Variants in DSTYK observed in about 807,000 individuals in gnomAD.
DSTYK encodes dual serine/threonine and tyrosine protein kinase, also known as RIP-homologous kinase.
In DSTYK, 34 loss-of-function variants were observed where a neutral mutation model predicts 98.7. The observed-to-expected ratio is 0.34, with a 90% CI of 0.26 to 0.46. The LOEUF (loss-of-function observed/expected upper bound fraction) is 0.46, where lower values mean the gene tolerates loss of function less well. Ranked by LOEUF, DSTYK falls within the 20% of genes least tolerant of loss-of-function variation. The pLI, the probability that DSTYK is intolerant of heterozygous loss-of-function variation, is 1.00. For missense variants in DSTYK, 962 were observed against 1,181.7 expected (o/e 0.81, Z 2.73); for synonymous variants, 462 against 457.3 (o/e 1.01, Z -0.13).
chr1:205,200,869 T>C (rs1279142594), intron 1 of DSTYK, among the ~76,000 whole-genome samples: 1 of 152,178 alleles, frequency 6.6e-6, no homozygotes, highest in Non-Finnish European at 1.5e-5. Context: ...CACCTACTAC[T>C]TGATAGCACA....
At chr1:205,162,671 T>C (rs1657768357) in intron 5 of DSTYK, among the ~76,000 whole-genome samples, 1 of 152,210 alleles carries the variant, frequency 6.6e-6, no homozygotes, top group Admixed American at 6.6e-5. Context: ...TTTTTTCTAT[T>C]TTTCCATTGT....
chr1:205,196,758 A>ATT (rs113524415), intron 1 of DSTYK, among the ~76,000 whole-genome samples: 25,372 of 109,526 alleles, frequency 0.23, 3,502 homozygotes, highest in East Asian at 0.32. Context: ...AAAATGGTGA[A>ATT]TTTTTTTTTT....
chr1:205,155,094 C>G lies in DSTYK; in HGVS notation c.2352+2179G>C, dbSNP rs537839579. ...CTGCCTCCCAGGTTCAAGCAATTCT[C>G]CTGCCTCAGCCTCCCAAGTAGCTGG... On this transcript the variant is annotated intron_variant, in intron 10 of 12. Transcript: ENST00000367162. Among the ~76,000 whole-genome samples the G allele has an allele frequency of 2.8e-4, 43 of 152,192 alleles. No homozygotes were observed. The East Asian group carries it at 8.4e-3, about 30-fold the overall frequency.
chr1:205,145,578 G>T lies in DSTYK; in HGVS notation c.*1980C>A, dbSNP rs1657206110. 1 of 148,120 alleles carries T rather than the reference G, an allele frequency of 6.8e-6. No homozygotes were observed. 9.2% of individuals were successfully genotyped at this position (148,120 alleles called of 1,614,324 possible). On this transcript the variant is annotated 3_prime_UTR_variant, in exon 13 of 13. Transcript: ENST00000367162. Reference sequence around the variant, plus strand: ...GAGTCTCGCTCTGTTGCCCAGGCTGGAGTGCAGTGGCGTGATCTCGGCTCA... The same window carrying T: ...GAGTCTCGCTCTGTTGCCCAGGCTGTAGTGCAGTGGCGTGATCTCGGCTCA...
intron 11 of DSTYK, among the ~76,000 whole-genome samples, chr1:205,149,205 GT>G (rs74891716): frequency 3.1e-4 from 46 of 146,658 alleles, no homozygotes; most frequent in South Asian, 8.8e-4. Flanking sequence ...CTGGCCGAAA[GT>G]TTTTTTTTTT....
chr1:205,202,624 A>G lies in DSTYK; in HGVS notation c.265+8647T>C, dbSNP rs575074683. 35 of 1,180,850 alleles carry G rather than the reference A, an allele frequency of 3.0e-5. No individual in the cohort carries two copies. In the African/African-American group the frequency reaches 4.8e-4, roughly 16 times the overall value. 73.1% of individuals were successfully genotyped at this position (1,180,850 alleles called of 1,614,324 possible). A position where few individuals can be genotyped will look rare whatever the true frequency, so the allele number is the denominator to read the frequency against. On this transcript the variant is annotated intron_variant, in intron 1 of 12. Coordinates refer to ENST00000367162, the MANE Select transcript of DSTYK (RefSeq NM_015375.3). ...CCCATACGTGAGCTCTCTCTGCCACATTGAGATGATCCTTACTGAAAAGGA... is the reference window on the plus strand; with the variant it reads ...CCCATACGTGAGCTCTCTCTGCCACGTTGAGATGATCCTTACTGAAAAGGA...
chr1:205,209,390 C>G (rs1029337951), intron 1 of DSTYK, among the ~76,000 whole-genome samples: 1 of 152,194 alleles, frequency 6.6e-6, no homozygotes, highest in African/African-American at 2.4e-5. Flanking sequence ...CCCTTCCCAT[C>G]AGCTGTTTTC....
intron 1 of DSTYK, among the ~76,000 whole-genome samples, chr1:205,196,758 A>ATTTT (rs113524415): frequency 8.0e-4 from 88 of 109,840 alleles, no homozygotes; most frequent in East Asian, 1.2e-3. Context: ...AAAATGGTGA[A>ATTTT]TTTTTTTTTT....
At chr1:205,192,424 T>C (rs1251064064) in intron 1 of DSTYK, among the ~76,000 whole-genome samples, 1 of 152,110 alleles carries the variant, frequency 6.6e-6, no homozygotes, top group African/African-American at 2.4e-5. Flanking sequence ...GATGTACTAC[T>C]CAGGAGGCTG....
At chr1:205,203,103 C>T (rs886110477) in intron 1 of DSTYK, among the ~76,000 whole-genome samples, 4 of 152,142 alleles carry the variant, frequency 2.6e-5, no homozygotes, top group African/African-American at 4.8e-5. Context: ...GGCTGAAGAA[C>T]TAACCATACT....
intron 6 of DSTYK, 107 bp downstream of exon 6, chr1:205,161,929 C>CAT: frequency 3.1e-6 from 1 of 320,388 alleles, no homozygotes; most frequent in Non-Finnish European, 4.5e-6. Context: ...TATACACACA[C>CAT]AGACACACAC....
intron 1 of DSTYK, chr1:205,202,582 G>A (rs1659075258): frequency 9.8e-7 from 1 of 1,019,308 alleles, no homozygotes; most frequent in Admixed American, 1.7e-5. Flanking sequence ...GACCTGCAGA[G>A]CTCATGGTCG....
At chr1:205,202,909 T>C (rs1184559082) in intron 1 of DSTYK, among the ~76,000 whole-genome samples, 2 of 152,204 alleles carry the variant, frequency 1.3e-5, no homozygotes, top group African/African-American at 2.4e-5. Context: ...TTAGGTTTTA[T>C]TCTGAAAGGA....
chr1:205,186,614 T>C lies in DSTYK; in HGVS notation c.654+804A>G, dbSNP rs914714210. On this transcript the variant is annotated intron_variant, in intron 2 of 12. Coordinates refer to ENST00000367162, the MANE Select transcript of DSTYK (RefSeq NM_015375.3). ...AAAACTCTGAGTATGGCTGAATTAT[T>C]TTATCCCTACCCACTCCTGACCCTG... 1.2e-3 allele frequency among the ~76,000 whole-genome samples: 182 copies of C among 152,294 alleles called. 1 individual carries two copies. The highest frequency in any genetic ancestry group is 4.3e-3 in the African/African-American group (180 of 41,554).
chr1:205,193,884 A>AG (rs1312815219), intron 1 of DSTYK, among the ~76,000 whole-genome samples: 18 of 152,052 alleles, frequency 1.2e-4, no homozygotes, highest in African/African-American at 4.1e-4. Context: ...AAAAAAAAAA[A>AG]AAAGGAACTA....
chr1:205,175,532 T>C (rs537645884), intron 2 of DSTYK, among the ~76,000 whole-genome samples: 3 of 152,254 alleles, frequency 2.0e-5, no homozygotes, highest in Admixed American at 6.5e-5. Context: ...TGTCAGAAGA[T>C]AGGCAAAGAG....
intron 3 of DSTYK, among the ~76,000 whole-genome samples, chr1:205,168,660 G>C (rs1233501773): frequency 6.6e-6 from 1 of 152,160 alleles, no homozygotes; most frequent in Non-Finnish European, 1.5e-5. Context: ...ACCCAATTTT[G>C]TTAGTAGCCA....
chr1:205,152,396 C>T (rs912590388), intron 10 of DSTYK, among the ~76,000 whole-genome samples: 2 of 152,308 alleles, frequency 1.3e-5, no homozygotes, highest in East Asian at 1.9e-4. Context: ...AGGTTGGTCT[C>T]GAACTCCCAA....
rs771432634 is a variant in DSTYK at position 205,147,521 on chromosome 1, G to A, written c.*37C>T. 6.3e-7 allele frequency: 1 copy of A among 1,585,320 alleles called. No individual in the cohort carries two copies. The highest frequency in any genetic ancestry group is 1.7e-5 in the Admixed American group (1 of 58,574). On this transcript the variant is annotated 3_prime_UTR_variant, in exon 13 of 13. Coordinates refer to ENST00000367162, the MANE Select transcript of DSTYK (RefSeq NM_015375.3). The stretch of plus-strand genomic sequence containing the variant: ...CCATGGCCAAAAGGTGAGGGGGAAG[G>A]AAATAACTAGAGAGTGAAAGAGAAA...
Sources: allele counts gnomAD v4.1 joint callset (sites outside exome capture counted in the v4.1 genomes callset), GRCh38; gene constraint gnomAD v4.1.1; transcripts MANE v1.5; gene names NCBI Gene and HGNC (gene_info 2026-07-23, HGNC 2026-07-21).